The following DCAF12 variants were observed in gnomAD, a reference collection of about 807,000 sequenced individuals.
The protein encoded by DCAF12 is DDB1 and CUL4 associated factor 12, also known as DDB1- and CUL4-associated factor 12.
A neutral mutation model predicts 52.8 loss-of-function variants in DCAF12; 28 were observed. That is an observed-to-expected ratio of 0.53 (90% CI 0.39 to 0.73). The LOEUF is 0.73. Among genes scored for constraint, DCAF12 ranks in the 30% least tolerant of loss-of-function variants. The pLI is 0.00. For synonymous variants in DCAF12, 196 were observed against 215.5 expected (o/e 0.91, Z 0.79); for missense variants, 425 against 552.2 (o/e 0.77, Z 2.31).
intron 2 of DCAF12, among the ~76,000 whole-genome samples, chr9:34,115,318 G>A (rs113491051): frequency 3.5e-4 from 33 of 95,258 alleles, no homozygotes; most frequent in South Asian, 7.2e-4. Context: ...GCGGCTAGGC[G>A]CGGTGGCTCA....
Position 34,125,016 on chromosome 9 carries a change from C to G in DCAF12, c.333+7G>C, listed in dbSNP as rs1313778947. ...AGGAGAGAGGTCACATCCCCCCAGG[C>G]ACTTACCGTGTTGCATTTTGTGCCA... On this transcript the variant is annotated splice_region_variant and intron_variant, in intron 2 of 8. Transcript: ENST00000361264. 4.3e-6 allele frequency: 7 copies of G among 1,612,570 alleles called. No homozygotes were observed. Among genetic ancestry groups the G allele is most frequent in the Non-Finnish European group, 5.9e-6 (7 of 1,179,938 alleles).
chr9:34,103,108 A>C (rs1828855996), intron 4 of DCAF12, among the ~76,000 whole-genome samples: 1 of 150,852 alleles, frequency 6.6e-6, no homozygotes, highest in Non-Finnish European at 1.5e-5. Flanking sequence ...AAAAAAAAAA[A>C]AAAAAAAAAA....
rs529577754 is a variant in DCAF12 at position 34,098,117 on chromosome 9, A to AC, written c.795+206_795+207insG. Among the ~76,000 whole-genome samples, 136 of 152,280 alleles carry AC rather than the reference A, an allele frequency of 8.9e-4. 1 individual carries two copies. The highest frequency in any genetic ancestry group is 6.5e-3 in the Admixed American group (100 of 15,292). ...GCTGACCCACAAATATAGACTACTC[A>AC]GAGAAATACTGCAGACACCAATTGA... On this transcript the variant is annotated intron_variant, in intron 5 of 8. Coordinates refer to ENST00000361264, the MANE Select transcript of DCAF12 (RefSeq NM_015397.4).
chr9:34,124,340 A>C (rs1188980453), intron 2 of DCAF12, among the ~76,000 whole-genome samples: 1 of 152,148 alleles, frequency 6.6e-6, no homozygotes, highest in Non-Finnish European at 1.5e-5. Flanking sequence ...CGTGGACTCT[A>C]TTCCAAACGT....
rs116414716 is a variant in DCAF12 at position 34,092,222 on chromosome 9, T to C, written c.1024+1064A>G. Among the ~76,000 whole-genome samples the C allele has an allele frequency of 1.9e-3, 290 of 152,334 alleles. 1 individual carries two copies. Among genetic ancestry groups the C allele is most frequent in the African/African-American group, 6.7e-3 (278 of 41,576 alleles). Reference sequence around the variant, plus strand: ...GTATACAATTTGAGGTTCTGACATATGTATATATCCATGACATCATAACCA... The same window carrying C: ...GTATACAATTTGAGGTTCTGACATACGTATATATCCATGACATCATAACCA... On this transcript the variant is annotated intron_variant, in intron 7 of 8. Transcript: ENST00000361264.
intron 4 of DCAF12, among the ~76,000 whole-genome samples, chr9:34,100,034 T>C (rs12375716): frequency 0.091 from 13,785 of 151,952 alleles, 907 homozygotes; most frequent in Non-Finnish European, 0.13. Flanking sequence ...CCCCCTTATG[T>C]CTCTCTTTTT....
intron 6 of DCAF12, among the ~76,000 whole-genome samples, chr9:34,093,984 T>C (rs1564094125): frequency 6.6e-6 from 1 of 152,076 alleles, no homozygotes; most frequent in Non-Finnish European, 1.5e-5. Flanking sequence ...AGTTAGCAAA[T>C]CCTCAGTGGG....
In DCAF12 at chr9:34,107,234, T is replaced by C. The variant is rs10511914; in HGVS notation, c.540+125A>G. 0.72 allele frequency: 655,972 copies of C among 908,578 alleles called. 242,237 individuals are homozygous for C. Among genetic ancestry groups the C allele is most frequent in the Non-Finnish European group, 0.77 (435,506 of 566,174 alleles). The allele number at this position is 908,578 out of a possible 1,614,324, so 56.3% of individuals were successfully genotyped here. On this transcript the variant is annotated intron_variant, in intron 3 of 8. Coordinates refer to ENST00000361264, the MANE Select transcript of DCAF12 (RefSeq NM_015397.4). ...GTGTGCTGCTTGCCCCTTTATCAAATATACACTGTGCCCTATGGGGAGTCC... is the reference window on the plus strand; with the variant it reads ...GTGTGCTGCTTGCCCCTTTATCAAACATACACTGTGCCCTATGGGGAGTCC...
chr9:34,088,704 G>A (rs920362735), intron 8 of DCAF12, among the ~76,000 whole-genome samples, 196 bp from the exon 9 acceptor site: 4 of 152,166 alleles, frequency 2.6e-5, no homozygotes, highest in South Asian at 2.1e-4. Context: ...AGAGAAGAAC[G>A]GAGCAGCTGA....
chr9:34,088,569 G>C, intron 8 of DCAF12, 61 bp from the exon 9 acceptor site: 1 of 1,576,712 alleles, frequency 6.3e-7, no homozygotes, highest in Non-Finnish European at 8.7e-7. Context: ...AAAAGGGGGA[G>C]GAAGGGACAG....
At chr9:34,108,983 T>TA (rs1828952827) in intron 2 of DCAF12, among the ~76,000 whole-genome samples, 2 of 38,290 alleles carry the variant, frequency 5.2e-5, no homozygotes, top group African/African-American at 1.6e-4. Flanking sequence ...TGTATATGTT[T>TA]TTATATATAT....
rs1329446836 is a variant in DCAF12 at position 34,114,988 on chromosome 9, C to CA, written c.334-7424dup. Among the ~76,000 whole-genome samples the CA allele has an allele frequency of 6.0e-5, 9 of 150,898 alleles. No individual in the cohort carries two copies. The South Asian group carries it at 1.0e-3, about 17-fold the overall frequency. Reference sequence around the variant, plus strand: ...CCTCTAAAAACAAAAAACACAAAAACAAAAAAAAGAGGAAGGGGTAACCTT... The same window carrying CA: ...CCTCTAAAAACAAAAAACACAAAAACAAAAAAAAAGAGGAAGGGGTAACCTT... On this transcript the variant is annotated intron_variant, in intron 2 of 8. Coordinates refer to ENST00000361264, the MANE Select transcript of DCAF12 (RefSeq NM_015397.4).
chr9:34,112,031 T>C (rs1829011951), intron 2 of DCAF12, among the ~76,000 whole-genome samples: 1 of 150,822 alleles, frequency 6.6e-6, no homozygotes, highest in Non-Finnish European at 1.5e-5. Context: ...TAATCCCAGC[T>C]ACTCGGGAGG....
chr9:34,116,310 A>G (rs978275312), intron 2 of DCAF12, among the ~76,000 whole-genome samples: 2 of 152,046 alleles, frequency 1.3e-5, no homozygotes, highest in Non-Finnish European at 2.9e-5. Context: ...AGATCGCGCC[A>G]CTGAACTCCA....
In DCAF12 at chr9:34,126,506, T is replaced by A. The variant is rs1829253426; in HGVS notation, c.-75A>T. Reference sequence around the variant, plus strand: ...AAGGATAGCAGGACGGCGGGTCATATACTGGGCCCCGGGGCCGCGCACCTT... The same window carrying A: ...AAGGATAGCAGGACGGCGGGTCATAAACTGGGCCCCGGGGCCGCGCACCTT... On this transcript the variant is annotated 5_prime_UTR_variant, in exon 1 of 9. Transcript: ENST00000361264. 3.3e-6 allele frequency: 5 copies of A among 1,513,364 alleles called. No homozygotes were observed. In the East Asian group the frequency reaches 1.2e-4, roughly 36 times the overall value. 93.7% of individuals were successfully genotyped at this position (1,513,364 alleles called of 1,614,324 possible). A position where few individuals can be genotyped will look rare whatever the true frequency, so the allele number is the denominator to read the frequency against.
intron 2 of DCAF12, among the ~76,000 whole-genome samples, chr9:34,112,791 G>A (rs1230982317): frequency 1.3e-5 from 2 of 151,916 alleles, no homozygotes; most frequent in Admixed American, 6.6e-5. Context: ...CTAGCTACTC[G>A]GGAGGCTGAG....
intron 7 of DCAF12, among the ~76,000 whole-genome samples, chr9:34,092,642 C>T (rs180884613): frequency 4.6e-5 from 7 of 151,096 alleles, no homozygotes; most frequent in Non-Finnish European, 8.8e-5. Context: ...GCTGAGATCA[C>T]GCCACTACAC....
At chr9:34,115,087 C>T (rs1829063790) in intron 2 of DCAF12, among the ~76,000 whole-genome samples, 1 of 152,066 alleles carries the variant, frequency 6.6e-6, no homozygotes, top group Admixed American at 6.6e-5. Flanking sequence ...ACGCAGGTCA[C>T]ACAGACAACA....
chr9:34,094,624 G>T (rs1245212020), intron 6 of DCAF12, among the ~76,000 whole-genome samples: 1 of 149,784 alleles, frequency 6.7e-6, no homozygotes, highest in African/African-American at 2.5e-5. Context: ...TCCACCTCCT[G>T]GGTTCACACC....
Sources: allele counts gnomAD v4.1 joint callset (sites outside exome capture counted in the v4.1 genomes callset), GRCh38; gene constraint gnomAD v4.1.1; transcripts MANE v1.5; gene names NCBI Gene and HGNC (gene_info 2026-07-23, HGNC 2026-07-21).